The following ARHGAP32 variants were observed in gnomAD, a reference collection of about 807,000 sequenced individuals.
ARHGAP32 encodes Rho GTPase activating protein 32, also known as rho GTPase-activating protein 32.
ARHGAP32 carries 51 observed loss-of-function variants against 186.5 expected under a neutral mutation model. The ratio of observed to expected loss-of-function variants is 0.27; its 90% CI spans 0.22 to 0.35. ARHGAP32 has a LOEUF of 0.35. ARHGAP32 is among the 10% of genes least tolerant of loss of function. The pLI, the probability that ARHGAP32 is intolerant of heterozygous loss-of-function variation, is 1.00. For missense variants in ARHGAP32, 2,186 were observed against 2,623.5 expected, an observed-to-expected ratio of 0.83 and a Z score of 3.64; for synonymous variants, 950 against 964.3, an observed-to-expected ratio of 0.99 and a Z score of 0.27.
At chr11:129,277,494 T>C (rs1048680810) in intron 1 of ARHGAP32, among the ~76,000 whole-genome samples, 12 of 152,236 alleles carry the variant, frequency 7.9e-5, no homozygotes, top group African/African-American at 2.7e-4. Context: ...GTCCCACTTA[T>C]GTTTTTCTCC....
At chr11:129,234,967 C>T (rs1383542184) in intron 1 of ARHGAP32, among the ~76,000 whole-genome samples, 1 of 152,094 alleles carries the variant, frequency 6.6e-6, no homozygotes, top group African/African-American at 2.4e-5. Context: ...CATCCTAATA[C>T]CTGGACCCTG....
At chr11:129,050,655 T>C (rs1940005676) in intron 10 of ARHGAP32, among the ~76,000 whole-genome samples, 1 of 152,198 alleles carries the variant, frequency 6.6e-6, no homozygotes, top group Non-Finnish European at 1.5e-5. Context: ...AATTATTTCT[T>C]TATTATACTT....
chr11:128,989,555 C>CACACACACACACAT (rs1945982523), intron 12 of ARHGAP32, among the ~76,000 whole-genome samples: 1 of 149,856 alleles, frequency 6.7e-6, no homozygotes, highest in Non-Finnish European at 1.5e-5. Flanking sequence ...CACACACACA[C>CACACACACACACAT]ATACATATAT....
intron 11 of ARHGAP32, among the ~76,000 whole-genome samples, chr11:129,011,870 T>A (rs1276465406): frequency 1.3e-5 from 2 of 151,928 alleles, no homozygotes; most frequent in East Asian, 3.9e-4. Flanking sequence ...TAAGAAAGGA[T>A]GAGGAATACA....
intron 5 of ARHGAP32, among the ~76,000 whole-genome samples, chr11:129,096,971 CA>C (rs1011344728): frequency 6.6e-6 from 1 of 152,082 alleles, no homozygotes; most frequent in Non-Finnish European, 1.5e-5. Context: ...CATTAAGTTC[CA>C]ACTCAGGCTG....
intron 1 of ARHGAP32, among the ~76,000 whole-genome samples, chr11:129,184,563 T>A (rs935384701): frequency 2.0e-5 from 3 of 151,758 alleles, no homozygotes; most frequent in Admixed American, 2.0e-4. Flanking sequence ...ATTCACAAAG[T>A]AAAATGTAAA....
chr11:129,152,810 C>G (rs544345589), intron 2 of ARHGAP32, among the ~76,000 whole-genome samples: 1 of 152,106 alleles, frequency 6.6e-6, no homozygotes, highest in Non-Finnish European at 1.5e-5. Context: ...GAAAGCATTG[C>G]CCCTGAGAAC....
chr11:129,110,647 C>A (rs1942182225), intron 5 of ARHGAP32, among the ~76,000 whole-genome samples: 3 of 152,118 alleles, frequency 2.0e-5, no homozygotes, highest in Non-Finnish European at 4.4e-5. Flanking sequence ...TCATAGAAAT[C>A]TTTCACCTTC....
In ARHGAP32 at chr11:129,040,921, T is replaced by C. The variant is rs370664368; in HGVS notation, c.1045+7A>G. On this transcript the variant is annotated splice_region_variant and intron_variant, in intron 11 of 22. Coordinates refer to ENST00000682385, the MANE Select transcript of ARHGAP32 (RefSeq NM_001378024.1). ...AATAACTACACTAGTGAAAAAAGTG[T>C]ACTCACCTGGTTTTGGCACTGAGTT... is the stretch of plus-strand genomic sequence containing the variant. The C allele has an allele frequency of 3.6e-5, 58 of 1,594,868 alleles. No individual in the cohort carries two copies. The highest frequency in any genetic ancestry group is 4.9e-5 in the Non-Finnish European group (57 of 1,168,646).
At chr11:128,993,643 T>C (rs918438633) in intron 12 of ARHGAP32, among the ~76,000 whole-genome samples, 2 of 151,900 alleles carry the variant, frequency 1.3e-5, no homozygotes, top group Non-Finnish European at 2.9e-5. Context: ...TGTAAATATA[T>C]ACACACATAT....
At chr11:129,250,115 G>A (rs1945159631) in intron 1 of ARHGAP32, among the ~76,000 whole-genome samples, 1 of 152,144 alleles carries the variant, frequency 6.6e-6, no homozygotes, top group East Asian at 1.9e-4. Context: ...TGCTCAGGAG[G>A]GTGAAGTGGG....
chr11:129,020,480 T>C (rs1938545893), intron 11 of ARHGAP32, among the ~76,000 whole-genome samples: 1 of 152,110 alleles, frequency 6.6e-6, no homozygotes, highest in African/African-American at 2.4e-5. Context: ...ACTTCTTTAT[T>C]TGCTTGCAAG....
intron 2 of ARHGAP32, among the ~76,000 whole-genome samples, chr11:129,157,865 G>A (rs1014535240): frequency 1.3e-5 from 2 of 152,164 alleles, no homozygotes; most frequent in Non-Finnish European, 2.9e-5. Context: ...AAGCCCATCA[G>A]ACTGACAGCA....
In ARHGAP32 at chr11:128,966,601, T is replaced by C. The variant is rs1175247100; in HGVS notation, c.*2306A>G. The C allele has an allele frequency of 6.6e-6, 1 of 152,208 alleles. No homozygotes were observed. The highest frequency in any genetic ancestry group is 1.5e-5 in the Non-Finnish European group (1 of 68,040). 9.4% of individuals were successfully genotyped at this position (152,208 alleles called of 1,614,324 possible). Reference sequence around the variant, plus strand: ...CACAGGACATTTATTAATAAAGAAATTGTTTCGAGGAATTAACCCTACTAT... The same window carrying C: ...CACAGGACATTTATTAATAAAGAAACTGTTTCGAGGAATTAACCCTACTAT... On this transcript the variant is annotated 3_prime_UTR_variant, in exon 23 of 23. Transcript: ENST00000682385.
intron 10 of ARHGAP32, among the ~76,000 whole-genome samples, chr11:129,050,534 A>C (rs1940000762): frequency 6.6e-6 from 1 of 152,222 alleles, no homozygotes; most frequent in Admixed American, 6.5e-5. Context: ...GTTCTGATAC[A>C]AATCCTTTAT....
At chr11:129,045,929 C>T (rs545046390) in intron 10 of ARHGAP32, among the ~76,000 whole-genome samples, 1 of 152,262 alleles carries the variant, frequency 6.6e-6, no homozygotes, top group African/African-American at 2.4e-5. Flanking sequence ...AGGGCTGGAA[C>T]AGGTTAGGAA....
chr11:129,239,031 A>G (rs1048328898), intron 1 of ARHGAP32, among the ~76,000 whole-genome samples: 3 of 152,000 alleles, frequency 2.0e-5, no homozygotes, highest in African/African-American at 7.2e-5. Flanking sequence ...AGTATTATTT[A>G]TACAGACGAC....
intron 1 of ARHGAP32, among the ~76,000 whole-genome samples, chr11:129,171,365 G>A (rs1474079747): frequency 1.3e-5 from 2 of 152,234 alleles, no homozygotes; most frequent in East Asian, 1.9e-4. Flanking sequence ...AAAGGAAGGG[G>A]TCCAGGTTCA....
At chr11:129,239,374 T>C (rs1382026863) in intron 1 of ARHGAP32, among the ~76,000 whole-genome samples, 2 of 152,188 alleles carry the variant, frequency 1.3e-5, no homozygotes, top group African/African-American at 4.8e-5. Flanking sequence ...AGGAGGGTAC[T>C]AGCATTACCC....
Sources: gnomAD v4.1 joint callset for allele counts (sites outside exome capture counted in the v4.1 genomes callset) on GRCh38, gnomAD v4.1.1 for gene constraint, MANE v1.5 for transcripts, NCBI Gene and HGNC (gene_info 2026-07-23, HGNC 2026-07-21) for gene names.